The following EVL variants were observed in gnomAD, a reference collection of about 807,000 sequenced individuals.
EVL encodes the protein Enah/Vasp-like.
EVL carries 21 observed loss-of-function variants against 59.6 expected under a neutral mutation model. The ratio of observed to expected loss-of-function variants is 0.35; its 90% CI spans 0.25 to 0.51. The LOEUF is 0.51. Ranked by LOEUF, EVL falls within the 20% of genes least tolerant of loss-of-function variation. The probability of loss-of-function intolerance (pLI) is 0.97; values close to 1 mark genes in which losing one functional copy is unlikely to be tolerated. For missense variants in EVL, 462 were observed against 546.6 expected (o/e 0.85, Z 1.54); for synonymous variants, 198 against 203.5 (o/e 0.97, Z 0.23).
intron 1 of EVL, among the ~76,000 whole-genome samples, chr14:100,081,479 C>T (rs532991182): frequency 9.4e-6 from 1 of 105,842 alleles, no homozygotes; most frequent in Non-Finnish European, 1.9e-5. Context: ...TGGTTAACCA[C>T]AAGTTTAATT....
At chr14:99,989,687 A>T (rs935516380) in intron 1 of EVL, among the ~76,000 whole-genome samples, 39 of 152,244 alleles carry the variant, frequency 2.6e-4, no homozygotes, top group African/African-American at 8.9e-4. Flanking sequence ...GGTGGCTATC[A>T]TATTGGACAG....
At chr14:99,979,349 T>TA (rs2060791584) in intron 1 of EVL, among the ~76,000 whole-genome samples, 1 of 152,208 alleles carries the variant, frequency 6.6e-6, no homozygotes, top group Admixed American at 6.5e-5. Flanking sequence ...ACATTTTCCC[T>TA]ATCTGCTTTT....
intron 1 of EVL, among the ~76,000 whole-genome samples, chr14:100,072,976 G>T (rs143190693): frequency 6.6e-6 from 1 of 152,182 alleles, no homozygotes; most frequent in South Asian, 2.1e-4. Context: ...CTCTCCAGGC[G>T]TGTTTCCTAA....
At chr14:100,064,088 G>A (rs2061884135), upstream of EVL, among the ~76,000 whole-genome samples, 1 of 152,158 alleles carries the variant, frequency 6.6e-6, no homozygotes, top group African/African-American at 2.4e-5. Flanking sequence ...AACTAAAACA[G>A]TGCTTAAAGG....
chr14:100,017,253 C>T (rs2061058512), intron 1 of EVL, among the ~76,000 whole-genome samples: 1 of 152,140 alleles, frequency 6.6e-6, no homozygotes, highest in Non-Finnish European at 1.5e-5. Context: ...TTATGAATTG[C>T]CCTGAAAGGT....
At chr14:100,106,235 G>A (rs541370379) in intron 3 of EVL, 1 of 152,350 alleles carries the variant, frequency 6.6e-6, no homozygotes, top group East Asian at 1.9e-4. Context: ...AGCTTGCTCT[G>A]TTTTAAGAAA....
chr14:100,068,629 C>T (rs539255375), intron 1 of EVL, among the ~76,000 whole-genome samples: 1 of 152,222 alleles, frequency 6.6e-6, no homozygotes, highest in African/African-American at 2.4e-5. Context: ...GGTGAGAAGT[C>T]ACCAGATTCA....
intron 3 of EVL, chr14:100,107,466 G>A (rs1466372962): frequency 2.5e-6 from 1 of 396,290 alleles, no homozygotes; most frequent in African/African-American, 2.1e-5. Context: ...ACCCAGTGAG[G>A]GGGAGGATGT....
intron 3 of EVL, among the ~76,000 whole-genome samples, chr14:100,099,058 T>TG (rs1217802084): frequency 1.3e-5 from 2 of 151,356 alleles, no homozygotes; most frequent in East Asian, 3.9e-4. Context: ...AAATATCTAC[T>TG]GGCGCCAGGC....
At position 100,114,886 on chromosome 14, in the gene EVL, G is replaced by A. The variant is rs1360984266; in HGVS notation, c.359-8653G>A. Among the ~76,000 whole-genome samples, 1 of 151,918 alleles carries A rather than the reference G, an allele frequency of 6.6e-6. No individual in the cohort carries two copies. The highest frequency in any genetic ancestry group is 2.4e-5 in the African/African-American group (1 of 41,416). On this transcript the variant is annotated intron_variant, in intron 3 of 13. Coordinates refer to ENST00000392920, the MANE Select transcript of EVL (RefSeq NM_016337.3). The surrounding 1 kb of genome is among the most constrained non-coding windows in gnomAD (Gnocchi z 5.0). ...ATGACATCCTTGCGGAAGCGGCAGG[G>A]TGGAAGCAGCAGCTGGGTACTGGGA...
intron 1 of EVL, among the ~76,000 whole-genome samples, chr14:100,083,755 C>T (rs2062367627): frequency 6.6e-6 from 1 of 152,150 alleles, no homozygotes; most frequent in South Asian, 2.1e-4. Flanking sequence ...CTTTAGATCA[C>T]CAAAATACTT....
exon 1 of EVL, chr14:99,971,761 C>G (rs1485939089): frequency 2.1e-5 from 3 of 140,614 alleles, no homozygotes; most frequent in Non-Finnish European, 3.1e-5. Context: ...CCCCCGGCGG[C>G]GGCCCCCAGG....
chr14:100,021,763 G>A (rs1483646563), intron 1 of EVL, among the ~76,000 whole-genome samples: 2 of 152,142 alleles, frequency 1.3e-5, no homozygotes, highest in Non-Finnish European at 2.9e-5. Flanking sequence ...ACAACCATTG[G>A]CTTAGGAAAA....
At chr14:100,063,744 A>G (rs2061877781), upstream of EVL, among the ~76,000 whole-genome samples, 2 of 152,240 alleles carry the variant, frequency 1.3e-5, no homozygotes, top group African/African-American at 4.8e-5. Flanking sequence ...GCACCCGACC[A>G]GTTTCAGAAT....
intron 1 of EVL, among the ~76,000 whole-genome samples, chr14:100,048,625 C>T (rs944407003): frequency 6.6e-5 from 10 of 152,172 alleles, no homozygotes; most frequent in Admixed American, 3.3e-4. Context: ...CATAGTCAGC[C>T]TATGGAAATG....
In EVL at chr14:100,135,984, C is replaced by T; in HGVS notation, c.964+16C>T. 1 of 1,613,268 alleles carries T rather than the reference C, an allele frequency of 6.2e-7. No individual in the cohort carries two copies. Among genetic ancestry groups the T allele is most frequent in the Non-Finnish European group, 8.5e-7 (1 of 1,179,960 alleles). Reference sequence around the variant, plus strand: ...AACTCCTCAGGTGAGAGGGCGCCCCCCGCTGACCCCAGTGAGGCATGAGGT... The same window carrying T: ...AACTCCTCAGGTGAGAGGGCGCCCCTCGCTGACCCCAGTGAGGCATGAGGT... On this transcript the variant is annotated intron_variant, in intron 9 of 13. Coordinates refer to ENST00000392920, the MANE Select transcript of EVL (RefSeq NM_016337.3).
intron 1 of EVL, among the ~76,000 whole-genome samples, chr14:100,059,937 T>TTAG (rs2061795184): frequency 6.6e-6 from 1 of 152,166 alleles, no homozygotes; most frequent in African/African-American, 2.4e-5. Context: ...CAATCATAAG[T>TTAG]TAGTAGACAT....
intron 13 of EVL, among the ~76,000 whole-genome samples, chr14:100,142,744 TAAG>T (rs1889266303): frequency 6.6e-6 from 1 of 152,100 alleles, no homozygotes; most frequent in Non-Finnish European, 1.5e-5. Context: ...GCTGGGGAGA[TAAG>T]GAGTTAACAA....
At chr14:100,121,163 T>C (rs1422170361) in intron 3 of EVL, among the ~76,000 whole-genome samples, 1 of 152,184 alleles carries the variant, frequency 6.6e-6, no homozygotes, top group Non-Finnish European at 1.5e-5. Context: ...GGGAGTCTGA[T>C]TACTAGCAGC....
Sources: allele counts gnomAD v4.1 joint callset (sites outside exome capture counted in the v4.1 genomes callset), GRCh38; gene constraint gnomAD v4.1.1; non-coding constraint Gnocchi (gnomAD v3.1); transcripts MANE v1.5; gene names NCBI Gene and HGNC (gene_info 2026-07-23, HGNC 2026-07-21).